Variants in RIPOR2 observed in about 807,000 individuals in gnomAD.
The protein encoded by RIPOR2 is rho family-interacting cell polarization regulator 2.
Under a neutral mutation model 114.5 loss-of-function variants are expected in RIPOR2, and 39 were observed. That is an observed-to-expected ratio of 0.34 (90% CI 0.26 to 0.44). RIPOR2 has a LOEUF of 0.44. Ranked by LOEUF, RIPOR2 falls within the 20% of genes least tolerant of loss-of-function variation. RIPOR2 has a pLI of 1.00. For synonymous variants in RIPOR2, 445 were observed against 484.4 expected, an observed-to-expected ratio of 0.92 and a Z score of 1.07; for missense variants, 1,007 against 1,255.1, an observed-to-expected ratio of 0.80 and a Z score of 2.99.
At chr6:24,947,247 C>T (rs928276103) in intron 1 of RIPOR2, among the ~76,000 whole-genome samples, 2 of 152,104 alleles carry the variant, frequency 1.3e-5, no homozygotes, top group Non-Finnish European at 2.9e-5. Flanking sequence ...AAGGCTGAAA[C>T]ACACCTCAAC....
At chr6:24,994,786 G>T (rs1774977713) in intron 1 of RIPOR2, among the ~76,000 whole-genome samples, 1 of 152,094 alleles carries the variant, frequency 6.6e-6, no homozygotes, top group South Asian at 2.1e-4. Flanking sequence ...CATACTCCAA[G>T]CATCCTAATT....
chr6:24,998,516 T>G (rs943452239), intron 1 of RIPOR2, among the ~76,000 whole-genome samples: 4 of 152,140 alleles, frequency 2.6e-5, no homozygotes, highest in African/African-American at 9.7e-5. Flanking sequence ...CCCTCAAATC[T>G]GCAACTAGAA....
At chr6:25,018,707 G>C (rs1776146625) in intron 1 of RIPOR2, among the ~76,000 whole-genome samples, 1 of 151,978 alleles carries the variant, frequency 6.6e-6, no homozygotes, top group South Asian at 2.1e-4. Flanking sequence ...TTAAATCCCA[G>C]TTCTATTTTT....
At chr6:25,005,415 G>T (rs1241337907) in intron 1 of RIPOR2, among the ~76,000 whole-genome samples, 1 of 152,012 alleles carries the variant, frequency 6.6e-6, no homozygotes, top group Non-Finnish European at 1.5e-5. Context: ...GACCTGCAGA[G>T]CATCTATACA....
At chr6:24,879,849 G>A (rs989093559) in intron 1 of RIPOR2, among the ~76,000 whole-genome samples, 1 of 152,070 alleles carries the variant, frequency 6.6e-6, no homozygotes, top group African/African-American at 2.4e-5. Flanking sequence ...TTGTTCCCTG[G>A]CTTCCTAGAA....
intron 1 of RIPOR2, among the ~76,000 whole-genome samples, chr6:25,034,192 T>A (rs1777130987): frequency 6.6e-6 from 1 of 152,030 alleles, no homozygotes; most frequent in Admixed American, 6.6e-5. Flanking sequence ...CTCTGTTGTA[T>A]GTTTCTGTAT....
intron 7 of RIPOR2, among the ~76,000 whole-genome samples, chr6:24,864,542 G>T (rs1764391371): frequency 6.6e-6 from 1 of 152,110 alleles, no homozygotes; most frequent in African/African-American, 2.4e-5. Flanking sequence ...ACCCTCTACA[G>T]GCTGATGACT....
intron 18 of RIPOR2, among the ~76,000 whole-genome samples, chr6:24,827,748 G>GC (rs1760316174): frequency 6.6e-6 from 1 of 152,044 alleles, no homozygotes; most frequent in Admixed American, 6.6e-5. Context: ...TTACCTACCT[G>GC]CCTTCTTTGA....
At chr6:24,945,910 T>C (rs898512647) in intron 1 of RIPOR2, among the ~76,000 whole-genome samples, 24 of 152,176 alleles carry the variant, frequency 1.6e-4, no homozygotes, top group Non-Finnish European at 3.2e-4. Flanking sequence ...ATAAATAAAA[T>C]ATGAATATTT....
intron 1 of RIPOR2, among the ~76,000 whole-genome samples, chr6:24,995,363 G>A (rs184152147): frequency 6.6e-6 from 1 of 152,328 alleles, no homozygotes; most frequent in Non-Finnish European, 1.5e-5. Flanking sequence ...GGTCCCAGAG[G>A]GAAGCCATTT....
At chr6:24,841,331 G>A (rs1340153304) in intron 13 of RIPOR2, among the ~76,000 whole-genome samples, 2 of 152,136 alleles carry the variant, frequency 1.3e-5, no homozygotes, top group Non-Finnish European at 2.9e-5. Context: ...CAGACAAGCA[G>A]CCTGCATATA....
At chr6:24,809,430 C>A (rs1562209016) in intron 21 of RIPOR2, among the ~76,000 whole-genome samples, 6 of 152,192 alleles carry the variant, frequency 3.9e-5, no homozygotes. Flanking sequence ...TATGGTTTGA[C>A]TTCTGTGTTC....
In RIPOR2 at chr6:25,015,896, G is replaced by GTTTTTTTT. The variant is rs869301317; in HGVS notation, c.76+25947_76+25954dup. On this transcript the variant is annotated intron_variant, in intron 1 of 13. Transcript: ENST00000510784. Reference sequence around the variant, plus strand: ...TCCCCTTAAAAACGCAGGTTTTTTGGTTTTTTTTTTTTTTTTTTTTTTTTT... The same window carrying GTTTTTTTT: ...TCCCCTTAAAAACGCAGGTTTTTTGGTTTTTTTTTTTTTTTTTTTTTTTTTTTTTTTTT... 47 of 45,862 alleles carry GTTTTTTTT rather than the reference G, an allele frequency of 1.0e-3. 14 individuals are homozygous for GTTTTTTTT. The highest frequency in any genetic ancestry group is 1.9e-3 in the African/African-American group (27 of 14,094). 2.8% of individuals were successfully genotyped at this position (45,862 alleles called of 1,614,324 possible).
At chr6:25,003,965 A>G (rs947787272) in intron 1 of RIPOR2, among the ~76,000 whole-genome samples, 2 of 152,222 alleles carry the variant, frequency 1.3e-5, no homozygotes, top group Non-Finnish European at 2.9e-5. Flanking sequence ...CTGTGTGAAT[A>G]AAGTACAAAT....
chr6:24,944,484 G>A (rs990134733), intron 1 of RIPOR2, among the ~76,000 whole-genome samples: 2 of 152,098 alleles, frequency 1.3e-5, no homozygotes, highest in Non-Finnish European at 1.5e-5. Flanking sequence ...CAAAAACCTT[G>A]GGGGAGTAGG....
At position 24,976,506 on chromosome 6, in the gene RIPOR2, A is replaced by G; in HGVS notation, c.76+65345T>C. The G allele has an allele frequency of 2.5e-6, 4 of 1,581,288 alleles. No homozygotes were observed. The South Asian group carries it at 3.3e-5, about 13-fold the overall frequency. On this transcript the variant is annotated intron_variant, in intron 1 of 13. Transcript: ENST00000510784. The stretch of plus-strand genomic sequence containing the variant: ...CTTTGAGGTAAGGGGCCTGGAAACC[A>G]AGAAGTGACTGCTCATCTAATCCAT...
At chr6:24,973,580 A>G (rs1277985977) in intron 1 of RIPOR2, among the ~76,000 whole-genome samples, 2 of 141,642 alleles carry the variant, frequency 1.4e-5, no homozygotes, top group Admixed American at 1.4e-4. Context: ...CTAGTGACAG[A>G]GTGAGACTGC....
chr6:24,825,505 T>G, intron 18 of RIPOR2, 77 bp from the exon 19 acceptor site: 1 of 1,034,900 alleles, frequency 9.7e-7, no homozygotes, highest in Non-Finnish European at 1.5e-6. Flanking sequence ...TAAATAGAAC[T>G]CAAGTACATA....
chr6:25,018,581 GC>G (rs1425088540), intron 1 of RIPOR2, among the ~76,000 whole-genome samples: 1 of 151,992 alleles, frequency 6.6e-6, no homozygotes, highest in Non-Finnish European at 1.5e-5. Context: ...TTTATCACTT[GC>G]CCTGTAGAAT....
Sources: allele counts gnomAD v4.1 joint callset (sites outside exome capture counted in the v4.1 genomes callset), GRCh38; gene constraint gnomAD v4.1.1; transcripts MANE v1.5; gene names NCBI Gene and HGNC (gene_info 2026-07-23, HGNC 2026-07-21).